The following NLGN1 variants were observed in gnomAD, a reference collection of about 807,000 sequenced individuals.
The protein encoded by NLGN1 is neuroligin 1.
NLGN1 carries 12 observed loss-of-function variants against 65.5 expected under a neutral mutation model. The observed-to-expected ratio is 0.18, with a 90% CI of 0.12 to 0.30. The LOEUF (loss-of-function observed/expected upper bound fraction) is 0.30. Ranked by LOEUF, NLGN1 falls within the 10% of genes least tolerant of loss-of-function variation. The probability of loss-of-function intolerance (pLI) is 1.00; values close to 1 mark genes in which losing one functional copy is unlikely to be tolerated. For missense variants in NLGN1, 750 were observed against 1,007.1 expected (o/e 0.74, Z 3.46); for synonymous variants, 350 against 359.5 (o/e 0.97, Z 0.30).
At chr3:173,622,283 T>C (rs1374464276) in intron 3 of NLGN1, among the ~76,000 whole-genome samples, 1 of 152,090 alleles carries the variant, frequency 6.6e-6, no homozygotes, top group Non-Finnish European at 1.5e-5. Flanking sequence ...GTGCTGTGTT[T>C]ATCTGCATGG....
chr3:174,205,813 A>G (rs1735290547), intron 4 of NLGN1, among the ~76,000 whole-genome samples: 1 of 152,210 alleles, frequency 6.6e-6, no homozygotes. Flanking sequence ...TTTCCACAAT[A>G]TATACTAGAG....
At chr3:173,474,965 A>G (rs1029627704) in intron 2 of NLGN1, among the ~76,000 whole-genome samples, 5 of 152,156 alleles carry the variant, frequency 3.3e-5, no homozygotes, top group African/African-American at 1.2e-4. Flanking sequence ...CTCAAGGAAA[A>G]AAAAGAAAAA....
chr3:174,220,424 C>G (rs1453896801), intron 4 of NLGN1, among the ~76,000 whole-genome samples: 1 of 152,054 alleles, frequency 6.6e-6, no homozygotes, highest in Non-Finnish European at 1.5e-5. Context: ...CTAGAGCTAA[C>G]GTGGTTGTTA....
At chr3:174,022,442 G>T (rs751863032) in intron 4 of NLGN1, among the ~76,000 whole-genome samples, 7 of 152,150 alleles carry the variant, frequency 4.6e-5, no homozygotes, top group African/African-American at 7.2e-5. Flanking sequence ...GAAGATGAAA[G>T]AGAGAGTCAT....
chr3:173,449,581 G>A (rs1174911162), intron 2 of NLGN1, among the ~76,000 whole-genome samples: 47 of 151,830 alleles, frequency 3.1e-4, no homozygotes, highest in African/African-American at 1.0e-3. Context: ...TATTAGGTCC[G>A]CTTGGTGCAG....
intron 3 of NLGN1, among the ~76,000 whole-genome samples, chr3:173,785,004 AATAT>A (rs34961648): frequency 0.094 from 14,255 of 152,230 alleles, 733 homozygotes; most frequent in African/African-American, 0.13. Flanking sequence ...ACACAAAACA[AATAT>A]ATAGACAGAG....
intron 3 of NLGN1, 103 bp downstream of exon 3, chr3:173,605,696 T>G: frequency 2.0e-6 from 1 of 512,338 alleles, no homozygotes; most frequent in East Asian, 6.9e-5. Context: ...AGTAAATGGT[T>G]AGGTGATGTT....
At chr3:173,701,017 C>T (rs964737118) in intron 3 of NLGN1, among the ~76,000 whole-genome samples, 8 of 152,066 alleles carry the variant, frequency 5.3e-5, no homozygotes, top group Admixed American at 1.3e-4. Context: ...CCCAGCTACT[C>T]GGGAGGCTGA....
intron 4 of NLGN1, among the ~76,000 whole-genome samples, chr3:174,251,740 A>G (rs1317959035): frequency 6.6e-6 from 1 of 152,244 alleles, no homozygotes; most frequent in Non-Finnish European, 1.5e-5. Context: ...ACAAATATCC[A>G]TCTACATTAT....
chr3:174,228,163 A>G (rs1740072492), intron 4 of NLGN1, among the ~76,000 whole-genome samples: 1 of 151,960 alleles, frequency 6.6e-6, no homozygotes, highest in East Asian at 1.9e-4. Context: ...AAGATAATTG[A>G]TTCATGAAAT....
chr3:173,957,439 A>G (rs905184156), intron 4 of NLGN1, among the ~76,000 whole-genome samples: 13 of 152,190 alleles, frequency 8.5e-5, no homozygotes, highest in Non-Finnish European at 1.3e-4. Context: ...ATGGGTTACA[A>G]CTAAATACTG....
chr3:174,164,247 G>C (rs930197813), intron 4 of NLGN1, among the ~76,000 whole-genome samples: 1 of 151,972 alleles, frequency 6.6e-6, no homozygotes, highest in East Asian at 1.9e-4. Flanking sequence ...CTTTTGAGAG[G>C]TGTCTGTTCC....
At chr3:174,140,782 G>C (rs1029399454) in intron 4 of NLGN1, among the ~76,000 whole-genome samples, 1 of 152,104 alleles carries the variant, frequency 6.6e-6, no homozygotes, top group African/African-American at 2.4e-5. Flanking sequence ...AAATTTTGAA[G>C]AAGGAGCTGG....
At chr3:174,105,996 T>C (rs758544536) in intron 4 of NLGN1, among the ~76,000 whole-genome samples, 1 of 152,120 alleles carries the variant, frequency 6.6e-6, no homozygotes, top group Non-Finnish European at 1.5e-5. Context: ...TTACCATCAA[T>C]TGAGAATCTA....
chr3:173,949,492 A>G (rs1013598837), intron 4 of NLGN1, among the ~76,000 whole-genome samples: 2 of 152,174 alleles, frequency 1.3e-5, no homozygotes, highest in Non-Finnish European at 2.9e-5. Context: ...TAGCCAATGC[A>G]TAATTGTCAA....
intron 2 of NLGN1, among the ~76,000 whole-genome samples, chr3:173,599,661 C>A (rs954383266): frequency 2.0e-5 from 3 of 152,100 alleles, no homozygotes; most frequent in Non-Finnish European, 4.4e-5. Context: ...AGTTAATAAG[C>A]TAGGGTGGCC....
chr3:173,844,717 G>A lies in NLGN1; in HGVS notation c.646+36885G>A, dbSNP rs557032100. Among the ~76,000 whole-genome samples, 4 of 152,308 alleles carry A rather than the reference G, an allele frequency of 2.6e-5. No homozygotes were observed. In the South Asian group the frequency reaches 8.3e-4, roughly 32 times the overall value. On this transcript the variant is annotated intron_variant, in intron 4 of 6. Transcript: ENST00000457714. ...TAATGTTTGTGATTGTTTCACTGTA[G>A]ACATTTCTTGAACGAAGTAAGCATA...
chr3:173,675,553 G>A (rs1763007426), intron 3 of NLGN1, among the ~76,000 whole-genome samples: 1 of 152,078 alleles, frequency 6.6e-6, no homozygotes, highest in Non-Finnish European at 1.5e-5. Flanking sequence ...GGAAGAGATA[G>A]CACTTCACTC....
chr3:174,233,099 G>T (rs1741022815), intron 4 of NLGN1, among the ~76,000 whole-genome samples: 1 of 152,162 alleles, frequency 6.6e-6, no homozygotes, highest in South Asian at 2.1e-4. Context: ...GTGCTCTGGG[G>T]TGGCAGCAAG....
Sources: allele counts gnomAD v4.1 joint callset (sites outside exome capture counted in the v4.1 genomes callset), GRCh38; gene constraint gnomAD v4.1.1; transcripts MANE v1.5; gene names NCBI Gene and HGNC (gene_info 2026-07-23, HGNC 2026-07-21).